The following CFI variants were observed in gnomAD, a reference collection of about 807,000 sequenced individuals.
CFI encodes the protein C3B/C4B inactivator.
CFI carries 66 observed loss-of-function variants against 78.8 expected under a neutral mutation model. The ratio of observed to expected loss-of-function variants is 0.84; its 90% CI spans 0.69 to 1.03. CFI has a LOEUF of 1.03. Among genes scored for constraint, CFI ranks in the 50% least tolerant of loss-of-function variants. The pLI, the probability that CFI is intolerant of heterozygous loss-of-function variation, is 0.00. For missense variants in CFI, 706 were observed against 704.5 expected (o/e 1.00, Z -0.02); for synonymous variants, 250 against 232.6 (o/e 1.07, Z -0.68).
chr4:109,771,987 A>T (rs927947647), intron 1 of CFI, among the ~76,000 whole-genome samples: 2 of 152,196 alleles, frequency 1.3e-5, no homozygotes, highest in Non-Finnish European at 2.9e-5. Context: ...AGCACGGTGA[A>T]GTTCACCTTA....
At chr4:109,781,112 G>T (rs779824915) in intron 1 of CFI, among the ~76,000 whole-genome samples, 2 of 152,016 alleles carry the variant, frequency 1.3e-5, no homozygotes, top group Non-Finnish European at 2.9e-5. Flanking sequence ...AAAACTGCAC[G>T]TTGTGCACAT....
At chr4:109,778,942 A>G (rs962677103) in intron 1 of CFI, among the ~76,000 whole-genome samples, 6 of 152,134 alleles carry the variant, frequency 3.9e-5, no homozygotes, top group African/African-American at 1.4e-4. Flanking sequence ...GCCCTTCATG[A>G]TAAAAACTCT....
In CFI at chr4:109,740,702, C is replaced by A. The variant is rs755735158; in HGVS notation, c.*191G>T. Reference sequence around the variant, plus strand: ...TCTGATAAATAAAACTTGTATGCTTCACCAAAATATTTATTTGAGAATTAT... The same window carrying A: ...TCTGATAAATAAAACTTGTATGCTTAACCAAAATATTTATTTGAGAATTAT... On this transcript the variant is annotated 3_prime_UTR_variant, in exon 13 of 13. Coordinates refer to ENST00000394634, the MANE Select transcript of CFI (RefSeq NM_000204.5). The A allele has an allele frequency of 1.5e-5, 10 of 666,108 alleles. No individual in the cohort carries two copies. The South Asian group carries it at 1.6e-4, about 11-fold the overall frequency. 41.3% of individuals were successfully genotyped at this position (666,108 alleles called of 1,614,324 possible). A position where few individuals can be genotyped will look rare whatever the true frequency, so the allele number is the denominator to read the frequency against.
chr4:109,794,265 T>C (rs1433930764), intron 1 of CFI: 1 of 152,214 alleles, frequency 6.6e-6, no homozygotes, highest in Non-Finnish European at 1.5e-5. Context: ...CCATTATATA[T>C]ATTTTGGTAT....
At position 109,776,767 on chromosome 4, in the gene CFI, G is replaced by A. The variant is rs4501226; in HGVS notation, c.58-9943C>T. ...AAGGGAAGCCCATCAGACTAACAGC[G>A]GATCTCTCCGCAGAAACTCTACAAG... On this transcript the variant is annotated intron_variant, in intron 1 of 12. Transcript: ENST00000394634. Among the ~76,000 whole-genome samples, 1,795 of 152,298 alleles carry A rather than the reference G, an allele frequency of 0.012. 67 individuals are homozygous for A. The East Asian group carries it at 0.13, about 11-fold the overall frequency.
chr4:109,774,411 C>G (rs937814832), intron 1 of CFI, among the ~76,000 whole-genome samples: 1 of 151,098 alleles, frequency 6.6e-6, no homozygotes, highest in Non-Finnish European at 1.5e-5. Context: ...AGGGAGCAAG[C>G]TATGCAGCTC....
rs201338430 is a variant in CFI, at chr4:109,761,541, C to T, written c.634G>A (p.Val212Met). ...RTMGYQDFADVVCYTQKADSP... is the reference protein window; with the variant it reads ...RTMGYQDFADMVCYTQKADSP... ...CCTGCTTTCTGTGTATAACAAACCACATCAGCGAAATCCTGGTAACCCATA... is the reference window on the plus strand; with the variant it reads ...CCTGCTTTCTGTGTATAACAAACCATATCAGCGAAATCCTGGTAACCCATA... Residue 212 changes from valine to methionine, a missense_variant, in exon 4 of 13, where the codon GTG becomes ATG. By Grantham distance (21) the Val-to-Met change is conservative. Coordinates refer to ENST00000394634, the MANE Select transcript of CFI (RefSeq NM_000204.5). 1.9e-6 allele frequency: 3 copies of T among 1,614,174 alleles called. No homozygotes were observed. Among genetic ancestry groups the T allele is most frequent in the Middle Eastern group, 1.6e-4 (1 of 6,062 alleles).
Position 109,760,633 on chromosome 4 carries a change from G to T in CFI, c.662C>A (p.Ser221Tyr), listed in dbSNP as rs377528991. 1.6e-5 allele frequency: 25 copies of T among 1,539,532 alleles called. No homozygotes were observed. The highest frequency in any genetic ancestry group is 2.2e-5 in the Non-Finnish European group (24 of 1,112,270). The change falls in exon 5 of 13, where the codon TCT becomes TAT. Residue 221 changes from serine (S) to tyrosine (Y), a missense_variant. Transcript: ENST00000394634. ...DVVCYTQKAD[S>Y]PMDDFFQCVN... ...ACACTGAAAGAAGTCATCCATTGGAGAATCTGTAAAGCAGGAATTATCTTT... is the reference window on the plus strand; with the variant it reads ...ACACTGAAAGAAGTCATCCATTGGATAATCTGTAAAGCAGGAATTATCTTT...
intron 1 of CFI, among the ~76,000 whole-genome samples, chr4:109,772,388 A>T (rs1728714489): frequency 6.6e-6 from 1 of 152,272 alleles, no homozygotes; most frequent in African/African-American, 2.4e-5. Context: ...CGATGTGAGT[A>T]TGCCTCATAT....
intron 1 of CFI, among the ~76,000 whole-genome samples, chr4:109,777,058 C>A (rs1020272454): frequency 4.6e-5 from 7 of 152,188 alleles, no homozygotes; most frequent in African/African-American, 1.7e-4. Flanking sequence ...GAAGAAACTG[C>A]ATCAACTAAC....
In CFI at chr4:109,748,045, C is replaced by A. The variant is rs112125953; in HGVS notation, c.1148+1173G>T. ...GTCTGCAGCTCAGGGGTAGAGTATC[C>A]CTGATCTATATAACTTCTGCTTTCT... On this transcript the variant is annotated intron_variant, in intron 10 of 12. Transcript: ENST00000394634. Among the ~76,000 whole-genome samples the A allele has an allele frequency of 2.8e-3, 420 of 152,186 alleles. 4 individuals carry two copies. Among genetic ancestry groups the A allele is most frequent in the African/African-American group, 9.5e-3 (396 of 41,514 alleles).
In CFI at chr4:109,783,811, T is replaced by TAATATATATATATA. The variant is rs750346105; in HGVS notation, c.58-16988_58-16987insTATATATATATATT. Among the ~76,000 whole-genome samples, 222 of 105,812 alleles carry TAATATATATATATA rather than the reference T, an allele frequency of 2.1e-3. 16 individuals carry two copies. The highest frequency in any genetic ancestry group is 8.5e-3 in the East Asian group (32 of 3,758). The allele number at this position is 105,812 out of a possible 152,430, so 69.4% of individuals were successfully genotyped here. Reference sequence around the variant, plus strand: ...ATTCAATGAGTGGATAAAGAAACTGTGATATATATATATATATATATATGA... The same window carrying TAATATATATATATA: ...ATTCAATGAGTGGATAAAGAAACTGTAATATATATATATAGATATATATATATATATATATATGA... On this transcript the variant is annotated intron_variant, in intron 1 of 12. Coordinates refer to ENST00000394634, the MANE Select transcript of CFI (RefSeq NM_000204.5).
At chr4:109,781,868 T>C (rs1315503494) in intron 1 of CFI, among the ~76,000 whole-genome samples, 1 of 150,964 alleles carries the variant, frequency 6.6e-6, no homozygotes, top group Non-Finnish European at 1.5e-5. Context: ...CACAAGTCAA[T>C]AAATGTGATA....
chr4:109,795,175 G>A (rs978650424), intron 1 of CFI, among the ~76,000 whole-genome samples: 1 of 152,200 alleles, frequency 6.6e-6, no homozygotes, highest in African/African-American at 2.4e-5. Flanking sequence ...GAGCAACCCT[G>A]CTCCTGGGCA....
chr4:109,735,929 C>T (rs1311449280), downstream of CFI, among the ~76,000 whole-genome samples: 1 of 152,224 alleles, frequency 6.6e-6, no homozygotes, highest in Admixed American at 6.5e-5. Context: ...GTGACAGGTT[C>T]ATAACTCAGG....
chr4:109,766,551 T>C lies in CFI; in HGVS notation c.328+3A>G, dbSNP rs1230993106. ...AATGACTTGAAAACTAGTCTCTTGC[T>C]ACCTTCGGCTGTGCATGTTCCGTTA... On this transcript the variant is annotated splice_donor_region_variant and intron_variant, in intron 2 of 12. Transcript: ENST00000394634. 6.2e-7 allele frequency: 1 copy of C among 1,614,058 alleles called. No individual in the cohort carries two copies.
chr4:109,789,758 T>C (rs1040297808), intron 1 of CFI, among the ~76,000 whole-genome samples: 4 of 152,088 alleles, frequency 2.6e-5, no homozygotes, highest in African/African-American at 7.2e-5. Flanking sequence ...GGGAAGATAG[T>C]CTTCATCTCT....
chr4:109,748,805 G>T (rs1466690852), intron 10 of CFI, among the ~76,000 whole-genome samples: 1 of 152,184 alleles, frequency 6.6e-6, no homozygotes, highest in Non-Finnish European at 1.5e-5. Flanking sequence ...CTTATCCTAA[G>T]AGGAATGCAA....
rs567489806 is a variant in CFI, at chr4:109,783,592, C to T, written c.58-16768G>A. On this transcript the variant is annotated intron_variant, in intron 1 of 12. Transcript: ENST00000394634. ...CTGCTGGTGGGAATGTAAAGTAGTG[C>T]AGCCACTGTGGAAAACAGTGTGGAG... Among the ~76,000 whole-genome samples the T allele has an allele frequency of 3.3e-5, 5 of 151,988 alleles. No individual in the cohort carries two copies. The South Asian group carries it at 1.0e-3, about 32-fold the overall frequency.
Sources: allele counts gnomAD v4.1 joint callset (sites outside exome capture counted in the v4.1 genomes callset), GRCh38; gene constraint gnomAD v4.1.1; transcripts MANE v1.5; gene names NCBI Gene and HGNC (gene_info 2026-07-23, HGNC 2026-07-21).